Variants in LYZL4 observed in about 807,000 individuals in gnomAD.
LYZL4 encodes the protein lysozyme like 4.
A neutral mutation model predicts 17.6 loss-of-function variants in LYZL4; 13 were observed. The ratio of observed to expected loss-of-function variants is 0.74; its 90% CI spans 0.48 to 1.18. LYZL4 has a LOEUF of 1.18. Among genes scored for constraint, LYZL4 ranks in the 50% most tolerant of loss-of-function variants. LYZL4 has a pLI of 0.00. For missense variants in LYZL4, 174 were observed against 188.2 expected (o/e 0.92, Z 0.44); for synonymous variants, 64 against 67.7 (o/e 0.95, Z 0.27).
the LYZL4 span, among the ~76,000 whole-genome samples, chr3:42,369,945 A>G: frequency 1.3e-5 from 2 of 152,108 alleles, no homozygotes; most frequent in African/African-American, 2.4e-5. Context: ...TACTCGAGAG[A>G]TAGAGGTGGG....
downstream of LYZL4, among the ~76,000 whole-genome samples, chr3:42,395,067 G>A (rs1698533102): frequency 6.6e-6 from 1 of 152,162 alleles, no homozygotes; most frequent in African/African-American, 2.4e-5. Flanking sequence ...TGTGTGGTTG[G>A]GGAATATAGA....
chr3:42,369,236 T>G, the LYZL4 span, among the ~76,000 whole-genome samples: 1 of 139,766 alleles, frequency 7.2e-6, no homozygotes, highest in African/African-American at 3.4e-5. Context: ...TTTTCCTATT[T>G]TGAAAAATAA....
the LYZL4 span, among the ~76,000 whole-genome samples, chr3:42,389,928 C>T: frequency 6.6e-6 from 1 of 152,248 alleles, no homozygotes; most frequent in Non-Finnish European, 1.5e-5. Context: ...ACAAAGTTCA[C>T]GAATGGATCT....
At chr3:42,386,050 G>A in the LYZL4 span, among the ~76,000 whole-genome samples, 1 of 152,106 alleles carries the variant, frequency 6.6e-6, no homozygotes, top group South Asian at 2.1e-4. Context: ...GCACCGTTCT[G>A]ATTCCTGCTT....
At chr3:42,403,712 G>A (rs893441866) in intron 4 of LYZL4, among the ~76,000 whole-genome samples, 1 of 152,058 alleles carries the variant, frequency 6.6e-6, no homozygotes, top group African/African-American at 2.4e-5. Flanking sequence ...AACCTTAAAC[G>A]TATTCAAAAA....
downstream of LYZL4, among the ~76,000 whole-genome samples, chr3:42,394,601 T>A (rs1305737086): frequency 6.6e-6 from 1 of 152,186 alleles, no homozygotes; most frequent in Admixed American, 6.5e-5. Flanking sequence ...TAGGAGTTGT[T>A]GTTATTGAGA....
rs772210164 is a variant in LYZL4, at chr3:42,404,041, C to A, written c.371+5G>T. The A allele has an allele frequency of 3.1e-6, 5 of 1,591,958 alleles. No individual in the cohort carries two copies. The South Asian group carries it at 4.4e-5, about 14-fold the overall frequency. On this transcript the variant is annotated splice_donor_5th_base_variant and intron_variant, in intron 4 of 4. Coordinates refer to ENST00000287748, the MANE Select transcript of LYZL4 (RefSeq NM_144634.4). ...ATACAGGCTACATAAAAATGTAAGA[C>A]TTACCATGCTCCCATCCCTTCTTTT... is the stretch of plus-strand genomic sequence containing the variant.
chr3:42,372,877 A>G, the LYZL4 span, among the ~76,000 whole-genome samples: 1 of 152,070 alleles, frequency 6.6e-6, no homozygotes, highest in Admixed American at 6.5e-5. Context: ...ATCAGGAGAA[A>G]CCAGGGCTGT....
Position 42,406,926 on chromosome 3 carries a change from G to A in LYZL4, c.212C>T (p.Thr71Ile). 1 of 1,614,240 alleles carries A rather than the reference G, an allele frequency of 6.2e-7. No homozygotes were observed. Among genetic ancestry groups the A allele is most frequent in the East Asian group, 2.2e-5 (1 of 44,888 alleles). Residue 71 changes from threonine to isoleucine, a missense_variant, in exon 3 of 5, where the codon ACT (threonine) becomes ATT (isoleucine). Physicochemically the swap from Thr to Ile is moderately conservative, Grantham distance 89. Transcript: ENST00000287748. ...AIYENTREGY[T>I]GFGLFQMRGS... ...ACGCATCTGAAAGAGGCCAAAGCCA[G>A]TGTAGCCCTCACGTGTGTTCTCGTA...
chr3:42,393,447 C>T (rs1698515343), downstream of LYZL4, among the ~76,000 whole-genome samples: 1 of 152,154 alleles, frequency 6.6e-6, no homozygotes, highest in Non-Finnish European at 1.5e-5. Context: ...GCGAAGGGCC[C>T]AGAAATCAGA....
chr3:42,370,575 G>A, the LYZL4 span, among the ~76,000 whole-genome samples: 1 of 152,170 alleles, frequency 6.6e-6, no homozygotes, highest in Non-Finnish European at 1.5e-5. Context: ...AATGTTTGTT[G>A]TTGTGAACCA....
chr3:42,376,985 G>A, the LYZL4 span, among the ~76,000 whole-genome samples: 1 of 152,200 alleles, frequency 6.6e-6, no homozygotes, highest in Non-Finnish European at 1.5e-5. Context: ...ATTAAAAATT[G>A]TCCTTGATCT....
At chr3:42,373,790 T>C in the LYZL4 span, among the ~76,000 whole-genome samples, 1 of 152,164 alleles carries the variant, frequency 6.6e-6, no homozygotes, top group Non-Finnish European at 1.5e-5. Flanking sequence ...TGAGATGCCT[T>C]AAGCTGTTAA....
rs143954677 is a variant in LYZL4, at chr3:42,407,142, T to A, written c.110A>T (p.Asp37Val). 66 of 1,614,068 alleles carry A rather than the reference T, an allele frequency of 4.1e-5. No individual in the cohort carries two copies. In the African/African-American group the frequency reaches 7.1e-4, roughly 17 times the overall value. The change falls in exon 2 of 5, where the codon GAT becomes GTT. Residue 37 changes from aspartate to valine, a missense_variant. Transcript: ENST00000287748. ...CTCAAGGCTATAGCCCTCAAAATAA[T>A]CCAGGCCTCCATCGTGGAGTTTCTT... is the stretch of plus-strand genomic sequence containing the variant. ...VAKKLHDGGL[D>V]YFEGYSLENW...
the LYZL4 span, among the ~76,000 whole-genome samples, chr3:42,387,271 T>C: frequency 1.6e-4 from 25 of 152,304 alleles, no homozygotes; most frequent in Non-Finnish European, 2.8e-4. Context: ...CAGGAAGTCA[T>C]AGAGCTGGAA....
At chr3:42,383,785 G>T in the LYZL4 span, among the ~76,000 whole-genome samples, 5 of 151,866 alleles carry the variant, frequency 3.3e-5, no homozygotes, top group African/African-American at 1.2e-4. Flanking sequence ...ATAAATGGAA[G>T]GTTTGAAAGA....
At chr3:42,409,622 C>T (rs1384322135) in intron 1 of LYZL4, among the ~76,000 whole-genome samples, 1 of 152,192 alleles carries the variant, frequency 6.6e-6, no homozygotes, top group Non-Finnish European at 1.5e-5. Flanking sequence ...ATCTTTTCTG[C>T]CATCATCCTA....
In LYZL4 at chr3:42,397,188, T is replaced by C; in HGVS notation, c.*77A>G. Reference sequence around the variant, plus strand: ...AAAGTGGTGAGATCATCAAAAGGATTGACTGAAGCAGCAAGCAGAAAAGCA... The same window carrying C: ...AAAGTGGTGAGATCATCAAAAGGATCGACTGAAGCAGCAAGCAGAAAAGCA... On this transcript the variant is annotated 3_prime_UTR_variant, in exon 5 of 5. Transcript: ENST00000287748. 20 of 997,264 alleles carry C rather than the reference T, an allele frequency of 2.0e-5. 1 individual carries two copies. The South Asian group carries it at 2.9e-4, about 14-fold the overall frequency. The allele number at this position is 997,264 out of a possible 1,614,324, so 61.8% of individuals were successfully genotyped here. A position where few individuals can be genotyped will look rare whatever the true frequency, so the allele number is the denominator to read the frequency against.
the LYZL4 span, among the ~76,000 whole-genome samples, chr3:42,378,749 C>T: frequency 1.1e-4 from 17 of 152,290 alleles, no homozygotes; most frequent in African/African-American, 2.9e-4. Flanking sequence ...GTGCAACTAA[C>T]GTGTAGATTT....
Sources: gnomAD v4.1 joint callset for allele counts (sites outside exome capture counted in the v4.1 genomes callset) on GRCh38, gnomAD v4.1.1 for gene constraint, MANE v1.5 for transcripts, NCBI Gene and HGNC (gene_info 2026-07-23, HGNC 2026-07-21) for gene names.